The following RORA variants were observed in gnomAD, a reference collection of about 807,000 sequenced individuals.
The protein encoded by RORA is nuclear receptor ROR-alpha.
A neutral mutation model predicts 69.5 loss-of-function variants in RORA; 7 were observed. The ratio of observed to expected loss-of-function variants is 0.10; its 90% confidence interval spans 0.06 to 0.19. The LOEUF is 0.19. RORA is among the 10% of genes least tolerant of loss of function. The pLI is 1.00. For synonymous variants in RORA, 261 were observed against 240.8 expected (o/e 1.08, Z -0.78); for missense variants, 457 against 663.0 (o/e 0.69, Z 3.41).
chr15:60,550,020 C>T (rs1314496415), intron 2 of RORA, among the ~76,000 whole-genome samples: 3 of 151,936 alleles, frequency 2.0e-5, no homozygotes, highest in Admixed American at 6.6e-5. Context: ...GGGCCGGGCG[C>T]GGTGGCTCAC....
chr15:61,111,337 G>T (rs956492760), intron 1 of RORA, among the ~76,000 whole-genome samples: 1 of 152,172 alleles, frequency 6.6e-6, no homozygotes, highest in Admixed American at 6.5e-5. Context: ...TGGTGCACTG[G>T]TTCCTTTACC....
chr15:60,977,476 G>A (rs752999815), intron 1 of RORA, among the ~76,000 whole-genome samples: 1 of 151,558 alleles, frequency 6.6e-6, no homozygotes, highest in African/African-American at 2.4e-5. Context: ...GATACCATTC[G>A]ATAATATAAA....
At position 60,943,916 on chromosome 15, in the gene RORA, CAAAAAAAA is replaced by C. The variant is rs545168599; in HGVS notation, c.167-265238_167-265231del. Among the ~76,000 whole-genome samples the C allele has an allele frequency of 4.6e-4, 15 of 32,358 alleles. 1 individual carries two copies. The East Asian group carries it at 5.9e-3, about 13-fold the overall frequency. The allele number at this position is 32,358 out of a possible 152,430, so 21.2% of individuals were successfully genotyped here. ...GGGTGACAGAGCCAGACTCCATCTC[CAAAAAAAA>C]AAAAAAAAAAAAAAAAGTGAGTAAT... On this transcript the variant is annotated intron_variant, in intron 1 of 10. Coordinates refer to ENST00000335670, the MANE Select transcript of RORA (RefSeq NM_134261.3).
intron 2 of RORA, among the ~76,000 whole-genome samples, chr15:60,544,625 T>A (rs1334638620): frequency 3.9e-5 from 6 of 152,164 alleles, no homozygotes; most frequent in African/African-American, 1.2e-4. Context: ...ATAAAAGTTT[T>A]TTTTCCCTTC....
At chr15:60,689,974 G>C (rs931806370) in intron 1 of RORA, among the ~76,000 whole-genome samples, 1 of 152,152 alleles carries the variant, frequency 6.6e-6, no homozygotes, top group Non-Finnish European at 1.5e-5. Flanking sequence ...TACCACACAG[G>C]TGTTTGCCTG....
At chr15:60,666,353 T>C (rs1474075747) in intron 2 of RORA, among the ~76,000 whole-genome samples, 15 of 149,634 alleles carry the variant, frequency 1.0e-4, no homozygotes, top group Admixed American at 1.3e-4. Flanking sequence ...TTTCTTTTTT[T>C]TTTTTTTTTT....
chr15:61,166,405 T>C (rs2079540152), intron 1 of RORA, among the ~76,000 whole-genome samples: 1 of 151,650 alleles, frequency 6.6e-6, no homozygotes, highest in Non-Finnish European at 1.5e-5. Flanking sequence ...GGGACAGCAA[T>C]AGGAATAAAA....
intron 1 of RORA, among the ~76,000 whole-genome samples, chr15:60,892,584 G>A (rs2073824162): frequency 6.6e-6 from 1 of 152,018 alleles, no homozygotes; most frequent in South Asian, 2.1e-4. Flanking sequence ...TGACTCTCCT[G>A]GTATCACGAA....
intron 1 of RORA, among the ~76,000 whole-genome samples, chr15:60,997,238 G>A (rs1257491393): frequency 6.6e-6 from 1 of 152,110 alleles, no homozygotes; most frequent in African/African-American, 2.4e-5. Context: ...ATGTTTGTGT[G>A]ATTTAGGAAG....
At chr15:61,091,457 T>C (rs1156983609) in intron 1 of RORA, among the ~76,000 whole-genome samples, 2 of 152,168 alleles carry the variant, frequency 1.3e-5, no homozygotes, top group Admixed American at 1.3e-4. Context: ...GAAGCACTTG[T>C]GTAACGAAGG....
At chr15:60,902,292 T>A (rs370018299) in intron 1 of RORA, among the ~76,000 whole-genome samples, 77 of 150,344 alleles carry the variant, frequency 5.1e-4, no homozygotes, top group South Asian at 1.0e-3. Flanking sequence ...TTTTTTTTTT[T>A]TAAAAAACAG....
chr15:60,714,867 G>A (rs555388496), intron 1 of RORA, among the ~76,000 whole-genome samples: 1 of 152,244 alleles, frequency 6.6e-6, no homozygotes, highest in African/African-American at 2.4e-5. Context: ...CCTCAGATTA[G>A]AAGGCCAGAA....
At position 60,671,067 on chromosome 15, in the gene RORA, G is replaced by GATATATATATATATAT. The variant is rs10577286; in HGVS notation, c.196+7574_196+7589dup. 3.5e-3 allele frequency among the ~76,000 whole-genome samples: 424 copies of GATATATATATATATAT among 122,142 alleles called. 19 individuals are homozygous for GATATATATATATATAT. Among genetic ancestry groups the GATATATATATATATAT allele is most frequent in the African/African-American group, 7.7e-3 (188 of 24,550 alleles). The allele number at this position is 122,142 out of a possible 152,430, so 80.1% of individuals were successfully genotyped here. ...TCTTATATCTCCTATATATCCCATT[G>GATATATATATATATAT]ATATATATATATATATATATATATA... On this transcript the variant is annotated intron_variant, in intron 2 of 10. Transcript: ENST00000335670.
At chr15:61,176,558 T>C (rs940407848) in intron 1 of RORA, 5 of 152,136 alleles carry the variant, frequency 3.3e-5, no homozygotes, top group African/African-American at 1.2e-4. Context: ...GTAATCCTCT[T>C]ACCTCAGTCT....
chr15:60,976,265 C>T (rs912453520), intron 1 of RORA, among the ~76,000 whole-genome samples: 2 of 152,208 alleles, frequency 1.3e-5, no homozygotes, highest in South Asian at 2.1e-4. Flanking sequence ...GGACTCAATG[C>T]GTGTAACCCT....
chr15:61,038,520 A>C (rs1167988278), intron 1 of RORA, among the ~76,000 whole-genome samples: 1 of 152,238 alleles, frequency 6.6e-6, no homozygotes, highest in Non-Finnish European at 1.5e-5. Context: ...GTTATCAGCC[A>C]ATCAGTCATT....
chr15:60,786,180 G>C (rs968707794), intron 1 of RORA, among the ~76,000 whole-genome samples: 10 of 152,224 alleles, frequency 6.6e-5, no homozygotes, highest in African/African-American at 2.4e-4. Context: ...GAGTTGGGCT[G>C]TATCAGTGTA....
chr15:60,917,440 C>T (rs763590557), intron 1 of RORA, among the ~76,000 whole-genome samples: 49 of 152,138 alleles, frequency 3.2e-4, no homozygotes, highest in Non-Finnish European at 2.4e-4. Context: ...AGTTTTCTGT[C>T]GTAAGGAAAG....
chr15:60,854,278 T>TA (rs2073357634), intron 1 of RORA, among the ~76,000 whole-genome samples: 1 of 151,992 alleles, frequency 6.6e-6, no homozygotes, highest in African/African-American at 2.4e-5. Context: ...AATAAATAAA[T>TA]AAAAATAAAT....
Sources: gnomAD v4.1 joint callset for allele counts (sites outside exome capture counted in the v4.1 genomes callset) on GRCh38, gnomAD v4.1.1 for gene constraint, MANE v1.5 for transcripts, NCBI Gene and HGNC (gene_info 2026-07-23, HGNC 2026-07-21) for gene names.